GRIN2A: variants seen among roughly 807,000 people sequenced by gnomAD.
GRIN2A encodes the protein glutamate ionotropic receptor NMDA type subunit 2A.
A neutral mutation model predicts 113.4 loss-of-function variants in GRIN2A; 22 were observed. That is an observed-to-expected ratio of 0.19 (90% CI 0.14 to 0.28). The LOEUF is 0.28. GRIN2A is among the 10% of genes least tolerant of loss of function. GRIN2A has a pLI of 1.00. For missense variants in GRIN2A, 1,502 were observed against 1,887.0 expected (o/e 0.80, Z 3.78); for synonymous variants, 827 against 738.4 (o/e 1.12, Z -1.94).
intron 2 of GRIN2A, among the ~76,000 whole-genome samples, chr16:10,132,663 C>T (rs144562804): frequency 0.017 from 2,623 of 152,302 alleles, 79 homozygotes; most frequent in African/African-American, 0.06. Flanking sequence ...GCTATCTGAA[C>T]TTTCATTGCC....
chr16:9,769,115 C>T (rs1246127671), intron 11 of GRIN2A, 26 bp from the exon 12 acceptor site: 2 of 1,551,322 alleles, frequency 1.3e-6, no homozygotes, highest in Non-Finnish European at 8.9e-7. Context: ...CATTCACAGG[C>T]AGTGAGGACC....
chr16:9,822,614 A>C (rs1462152369), intron 9 of GRIN2A, among the ~76,000 whole-genome samples, 190 bp from the exon 10 acceptor site: 2 of 152,164 alleles, frequency 1.3e-5, no homozygotes, highest in East Asian at 3.9e-4. Context: ...ATCTTCAGCC[A>C]GTCTGTGAGC....
chr16:9,837,005 T>C (rs2042593470), intron 7 of GRIN2A, among the ~76,000 whole-genome samples: 1 of 152,168 alleles, frequency 6.6e-6, no homozygotes, highest in African/African-American at 2.4e-5. Flanking sequence ...CACAAAAGCT[T>C]AGAGGCATTA....
intron 2 of GRIN2A, among the ~76,000 whole-genome samples, chr16:10,138,485 TAAACCATC>T (rs771231955): frequency 1.7e-4 from 26 of 152,108 alleles, no homozygotes; most frequent in African/African-American, 6.3e-4. Flanking sequence ...CACACACTTT[TAAACCATC>T]AGATCTCGTG....
chr16:10,101,093 G>A (rs867236840), intron 2 of GRIN2A, among the ~76,000 whole-genome samples: 4 of 152,216 alleles, frequency 2.6e-5, no homozygotes, highest in African/African-American at 4.8e-5. Flanking sequence ...GCATGAGGGG[G>A]ACATGGGGCC....
intron 2 of GRIN2A, among the ~76,000 whole-genome samples, chr16:10,029,141 GGAGA>G (rs2046879726): frequency 6.6e-6 from 1 of 152,040 alleles, no homozygotes; most frequent in African/African-American, 2.4e-5. Flanking sequence ...TGGAAAATTG[GGAGA>G]GAGAGTCTAC....
chr16:9,953,857 G>A (rs1320426360), intron 2 of GRIN2A, among the ~76,000 whole-genome samples: 1 of 152,176 alleles, frequency 6.6e-6, no homozygotes, highest in Non-Finnish European at 1.5e-5. Context: ...GTAGGTAGAA[G>A]CACAACCTCA....
chr16:9,963,232 C>T (rs1203677804), intron 2 of GRIN2A, among the ~76,000 whole-genome samples: 1 of 151,738 alleles, frequency 6.6e-6, no homozygotes, highest in Non-Finnish European at 1.5e-5. Flanking sequence ...AACAAACCTG[C>T]ACATTGTGCA....
intron 2 of GRIN2A, among the ~76,000 whole-genome samples, chr16:10,056,695 A>G (rs1441261219): frequency 4.6e-5 from 7 of 152,160 alleles, no homozygotes; most frequent in Admixed American, 2.0e-4. Flanking sequence ...CCACATAAAT[A>G]TGGAAACAGA....
chr16:9,906,543 G>C (rs2044031522), intron 3 of GRIN2A, among the ~76,000 whole-genome samples: 1 of 152,038 alleles, frequency 6.6e-6, no homozygotes, highest in African/African-American at 2.4e-5. Flanking sequence ...TTCTTCTCTG[G>C]GAATTTTTTA....
At chr16:10,053,491 C>G (rs1000783536) in intron 2 of GRIN2A, among the ~76,000 whole-genome samples, 2 of 152,186 alleles carry the variant, frequency 1.3e-5, no homozygotes, top group African/African-American at 4.8e-5. Context: ...CATAATTATT[C>G]CACTACACAC....
At chr16:10,048,870 T>A (rs2141979421) in intron 2 of GRIN2A, among the ~76,000 whole-genome samples, 1 of 152,284 alleles carries the variant, frequency 6.6e-6, no homozygotes, top group African/African-American at 2.4e-5. Flanking sequence ...ACATGGCAGC[T>A]GGGATCAGTG....
intron 2 of GRIN2A, among the ~76,000 whole-genome samples, chr16:10,087,651 A>G (rs963968825): frequency 6.6e-5 from 10 of 152,188 alleles, no homozygotes; most frequent in African/African-American, 1.7e-4. Flanking sequence ...TCATCTATAT[A>G]AGAGACTTAA....
intron 10 of GRIN2A, among the ~76,000 whole-genome samples, chr16:9,801,555 GAC>G (rs1231952842): frequency 6.6e-6 from 1 of 152,246 alleles, no homozygotes; most frequent in Non-Finnish European, 1.5e-5. Flanking sequence ...GACAGGCATA[GAC>G]ATCTTCAAAT....
At chr16:9,891,768 G>C (rs2043698872) in intron 3 of GRIN2A, among the ~76,000 whole-genome samples, 1 of 152,196 alleles carries the variant, frequency 6.6e-6, no homozygotes, top group African/African-American at 2.4e-5. Flanking sequence ...ACAGGCAAAA[G>C]AGGCAACATG....
chr16:9,907,465 A>G (rs1012902673), intron 3 of GRIN2A, among the ~76,000 whole-genome samples: 2 of 152,146 alleles, frequency 1.3e-5, no homozygotes, highest in African/African-American at 4.8e-5. Flanking sequence ...ACTAGAGCAG[A>G]AAGTGTGGCT....
chr16:9,868,727 T>C (rs2141419050), intron 4 of GRIN2A, among the ~76,000 whole-genome samples: 1 of 152,322 alleles, frequency 6.6e-6, no homozygotes, highest in South Asian at 2.1e-4. Context: ...TCTGCATTCA[T>C]GACAGCCTCA....
intron 2 of GRIN2A, among the ~76,000 whole-genome samples, chr16:9,971,061 C>T (rs2045660297): frequency 6.6e-6 from 1 of 152,106 alleles, no homozygotes; most frequent in Admixed American, 6.5e-5. Context: ...AAGAGATGAT[C>T]AAGGCATGAA....
chr16:10,083,814 A>G (rs1024254773), intron 2 of GRIN2A, among the ~76,000 whole-genome samples: 1 of 152,232 alleles, frequency 6.6e-6, no homozygotes, highest in African/African-American at 2.4e-5. Context: ...AAAAATAGGC[A>G]TTCAGGGCTG....
Sources: allele counts gnomAD v4.1 joint callset (sites outside exome capture counted in the v4.1 genomes callset), GRCh38; gene constraint gnomAD v4.1.1; transcripts MANE v1.5; gene names NCBI Gene and HGNC (gene_info 2026-07-23, HGNC 2026-07-21).